The following EIF5B variants were observed in gnomAD, a reference collection of about 807,000 sequenced individuals.
EIF5B encodes eukaryotic translation initiation factor 5B.
A neutral mutation model predicts 147.5 loss-of-function variants in EIF5B; 47 were observed. The observed-to-expected ratio is 0.32, with a 90% CI of 0.25 to 0.41. The LOEUF is 0.41. Ranked by LOEUF, EIF5B falls within the 10% of genes least tolerant of loss-of-function variation. EIF5B has a pLI of 1.00. For synonymous variants in EIF5B, 455 were observed against 456.2 expected (o/e 1.00, Z 0.03); for missense variants, 1,064 against 1,413.2 (o/e 0.75, Z 3.96).
intron 1 of EIF5B, among the ~76,000 whole-genome samples, chr2:99,349,169 AAAG>A (rs1478283240): frequency 2.6e-5 from 4 of 152,244 alleles, no homozygotes; most frequent in African/African-American, 9.6e-5. Context: ...CTCCCACATT[AAAG>A]GAGATAGACC....
chr2:99,368,015 C>T (rs1313432619), intron 6 of EIF5B, among the ~76,000 whole-genome samples: 2 of 152,186 alleles, frequency 1.3e-5, no homozygotes, highest in Non-Finnish European at 2.9e-5. Flanking sequence ...TATATCCATA[C>T]AATGGAATGC....
chr2:99,375,857 AC>A (rs1375357727), intron 9 of EIF5B, among the ~76,000 whole-genome samples: 3 of 152,248 alleles, frequency 2.0e-5, no homozygotes, highest in African/African-American at 7.2e-5. Flanking sequence ...AAGTTTGAGC[AC>A]CACTACGTGA....
intron 9 of EIF5B, among the ~76,000 whole-genome samples, chr2:99,372,169 C>A (rs1180073936): frequency 6.6e-6 from 1 of 152,124 alleles, no homozygotes; most frequent in Non-Finnish European, 1.5e-5. Flanking sequence ...ATTTTACTAA[C>A]TTACTGATAA....
rs529053292 is a variant in EIF5B at position 99,353,005 on chromosome 2, C to CTTTTTTTTTTTTTTTTTTT, written c.36-7222_36-7204dup. On this transcript the variant is annotated intron_variant, in intron 1 of 23. Coordinates refer to ENST00000289371, the MANE Select transcript of EIF5B (RefSeq NM_015904.4). The stretch of plus-strand genomic sequence containing the variant: ...GCCTGGCTAATTTTTTCTTCTTCTT[C>CTTTTTTTTTTTTTTTTTTT]TTTTTTTTTTTTTTTTTTTTTTTTT... 2.4e-4 allele frequency among the ~76,000 whole-genome samples: 15 copies of CTTTTTTTTTTTTTTTTTTT among 62,856 alleles called. 2 individuals are homozygous for CTTTTTTTTTTTTTTTTTTT. The highest frequency in any genetic ancestry group is 1.7e-3 in the South Asian group (2 of 1,184). The allele number at this position is 62,856 out of a possible 152,430, so 41.2% of individuals were successfully genotyped here.
rs1421800206 is a variant in EIF5B, at chr2:99,360,302, A to G, written c.102A>G (p.Glu34=). The G allele has an allele frequency of 3.1e-6, 5 of 1,612,314 alleles. No homozygotes were observed. The highest frequency in any genetic ancestry group is 4.2e-6 in the Non-Finnish European group (5 of 1,179,438). Residue 34 remains glutamate (E), a synonymous_variant, in exon 2 of 24, where the codon GAA becomes GAG. Coordinates refer to ENST00000289371, the MANE Select transcript of EIF5B (RefSeq NM_015904.4). ...AEIEGAGAAK[E]QEPQKSKGKK... is the part of the protein sequence containing the mutation. ...TAGAAGGAGCTGGTGCTGCCAAAGA[A>G]CAGGAGCCTCAAAAGTCAAAAGGGA... is the stretch of plus-strand genomic sequence containing the variant.
At chr2:99,391,101 G>GT (rs1674920343) in intron 17 of EIF5B, among the ~76,000 whole-genome samples, 1 of 152,124 alleles carries the variant, frequency 6.6e-6, no homozygotes. Flanking sequence ...CACATACACA[G>GT]TCGACTAACA....
chr2:99,382,369 T>C (rs959696704), intron 13 of EIF5B, 143 bp downstream of exon 13: 2 of 647,788 alleles, frequency 3.1e-6, no homozygotes, highest in Non-Finnish European at 5.1e-6. Flanking sequence ...GATTTAGTAA[T>C]GTTTTCTTTG....
intron 9 of EIF5B, among the ~76,000 whole-genome samples, chr2:99,372,213 C>A (rs1450790888): frequency 3.3e-5 from 5 of 152,000 alleles, no homozygotes; most frequent in Non-Finnish European, 4.4e-5. Context: ...TTCAGCCTCC[C>A]CCCATCTTTG....
intron 18 of EIF5B, among the ~76,000 whole-genome samples, chr2:99,394,042 A>C (rs182592940): frequency 1.3e-5 from 2 of 152,200 alleles, no homozygotes; most frequent in African/African-American, 4.8e-5. Flanking sequence ...AACATATTTC[A>C]AAGTTAGTAA....
intron 1 of EIF5B, among the ~76,000 whole-genome samples, chr2:99,358,781 C>A (rs1012652846): frequency 2.0e-5 from 3 of 152,162 alleles, no homozygotes; most frequent in African/African-American, 7.2e-5. Flanking sequence ...CTCTGACTTT[C>A]CCATTCTGGA....
In EIF5B at chr2:99,396,802, G is replaced by A; in HGVS notation, c.3297G>A (p.Gln1099=). 1 of 1,613,148 alleles carries A rather than the reference G, an allele frequency of 6.2e-7. No individual in the cohort carries two copies. The highest frequency in any genetic ancestry group is 1.1e-5 in the South Asian group (1 of 90,914). Reference sequence around the variant, plus strand: ...CCTGCAAGATAAAAATCCTCCCTCAGTACATTTTTAATTCTCGAGATCCGA... The same window carrying A: ...CCTGCAAGATAAAAATCCTCCCTCAATACATTTTTAATTCTCGAGATCCGA... ...VFPCKIKILP[Q]YIFNSRDPIV... Residue 1099 remains glutamine (Q), a synonymous_variant, in exon 22 of 24, where the codon CAG becomes CAA. Coordinates refer to ENST00000289371, the MANE Select transcript of EIF5B (RefSeq NM_015904.4).
chr2:99,373,526 T>A (rs1392055778), intron 9 of EIF5B, among the ~76,000 whole-genome samples: 1 of 151,994 alleles, frequency 6.6e-6, no homozygotes, highest in Non-Finnish European at 1.5e-5. Flanking sequence ...CCCAAAACCT[T>A]CCCCACCACC....
chr2:99,390,661 C>T lies in EIF5B; in HGVS notation c.2704C>T (p.Arg902Ter), dbSNP rs1674906453. The change falls in exon 17 of 24, where the codon CGA becomes TGA. Residue 902 changes from arginine to a stop codon, truncating the protein, a stop_gained. Coordinates refer to ENST00000289371, the MANE Select transcript of EIF5B (RefSeq NM_015904.4). LOFTEE classifies it high-confidence loss of function. ...GVEGPIVTQIRGLLLPPPMKE... is the reference protein window; with the variant it reads ...GVEGPIVTQI ...AGAAGGGCCCATTGTAACTCAGATT[C>T]GAGGCCTCCTGTTACCTCCTCCTAT... 1.2e-6 allele frequency: 2 copies of T among 1,611,456 alleles called. No individual in the cohort carries two copies. Among genetic ancestry groups the T allele is most frequent in the South Asian group, 1.1e-5 (1 of 91,038 alleles).
Position 99,390,597 on chromosome 2 carries a change from G to A in EIF5B, c.2640G>A (p.Gly880=), listed in dbSNP as rs1326503064. ...CTATAGATGTCATCTTGATCAATGG[G>A]CGTTTGAAGGAAGGAGATACAATCA... is the stretch of plus-strand genomic sequence containing the variant. ...GTTIDVILIN[G]RLKEGDTIIV... The change falls in exon 17 of 24, where the codon GGG becomes GGA. Residue 880 remains glycine (G), a synonymous_variant. Coordinates refer to ENST00000289371, the MANE Select transcript of EIF5B (RefSeq NM_015904.4). 7 of 1,612,902 alleles carry A rather than the reference G, an allele frequency of 4.3e-6. No homozygotes were observed. The highest frequency in any genetic ancestry group is 5.9e-6 in the Non-Finnish European group (7 of 1,179,172).
chr2:99,388,823 C>G (rs1674863792), intron 14 of EIF5B, among the ~76,000 whole-genome samples: 1 of 152,022 alleles, frequency 6.6e-6, no homozygotes, highest in Non-Finnish European at 1.5e-5. Flanking sequence ...ATGTTGGCCT[C>G]CTAAGACGAG....
At chr2:99,398,628 G>A (rs1434328731) in intron 22 of EIF5B, 120 bp from the exon 23 acceptor site, 27 of 1,036,940 alleles carry the variant, frequency 2.6e-5, no homozygotes, top group East Asian at 2.1e-4. Context: ...TGAAAGGATC[G>A]CACTGCCATG....
At chr2:99,364,660 A>T (rs754861136) in intron 6 of EIF5B, among the ~76,000 whole-genome samples, 7 of 152,236 alleles carry the variant, frequency 4.6e-5, no homozygotes, top group Non-Finnish European at 7.3e-5. Context: ...TTATCCTCCC[A>T]CAAACAAGAA....
chr2:99,400,299 C>T lies in EIF5B; in HGVS notation c.*885C>T, dbSNP rs967887775. 7.2e-5 allele frequency: 11 copies of T among 151,728 alleles called. No homozygotes were observed. The highest frequency in any genetic ancestry group is 2.7e-4 in the African/African-American group (11 of 41,276). 9.4% of individuals were successfully genotyped at this position (151,728 alleles called of 1,614,324 possible). ...TGTTTTAATCTTGATCTGTTTTGTC[C>T]TAGAAAATTCCATCATACACACATT... On this transcript the variant is annotated 3_prime_UTR_variant, in exon 24 of 24. Coordinates refer to ENST00000289371, the MANE Select transcript of EIF5B (RefSeq NM_015904.4).
chr2:99,363,561 T>G, intron 4 of EIF5B, 84 bp from the exon 5 acceptor site: 5 of 1,392,496 alleles, frequency 3.6e-6, no homozygotes, highest in Non-Finnish European at 4.9e-6. Context: ...ATTATGGTCC[T>G]TGAATTGTGG....
Sources: allele counts gnomAD v4.1 joint callset (sites outside exome capture counted in the v4.1 genomes callset), GRCh38; gene constraint gnomAD v4.1.1; transcripts MANE v1.5; gene names NCBI Gene and HGNC (gene_info 2026-07-23, HGNC 2026-07-21).